DIS3L2: variants seen among roughly 807,000 people sequenced by gnomAD.
The protein encoded by DIS3L2 is DIS3-like exonuclease 2.
A neutral mutation model predicts 97.5 loss-of-function variants in DIS3L2; 34 were observed. The observed-to-expected ratio is 0.35, with a 90% CI of 0.27 to 0.46. The LOEUF is 0.46. Among genes scored for constraint, DIS3L2 ranks in the 20% least tolerant of loss-of-function variants. The probability of loss-of-function intolerance (pLI) is 1.00; values close to 1 mark genes in which losing one functional copy is unlikely to be tolerated. For missense variants in DIS3L2, 1,038 were observed against 1,146.0 expected (o/e 0.91, Z 1.36); for synonymous variants, 435 against 445.2 (o/e 0.98, Z 0.29).
intron 6 of DIS3L2, among the ~76,000 whole-genome samples, chr2:232,109,797 T>G (rs1251875753): frequency 1.3e-5 from 2 of 152,124 alleles, no homozygotes; most frequent in African/African-American, 4.8e-5. Flanking sequence ...ATTCAGGATA[T>G]AGGTACCAGC....
At chr2:232,193,849 G>A (rs1298407248) in intron 9 of DIS3L2, among the ~76,000 whole-genome samples, 2 of 152,052 alleles carry the variant, frequency 1.3e-5, no homozygotes, top group Admixed American at 6.6e-5. Flanking sequence ...TTCAATTCAC[G>A]GCGAGGCCCA....
At chr2:232,339,609 C>T, downstream of DIS3L2, 1 of 409,358 alleles carries the variant, frequency 2.4e-6, no homozygotes, top group Admixed American at 2.6e-5. Flanking sequence ...GGGACAAGAG[C>T]CTCTCCAGGC....
At chr2:232,315,479 C>T (rs1013232339) in intron 14 of DIS3L2, among the ~76,000 whole-genome samples, 7 of 152,108 alleles carry the variant, frequency 4.6e-5, no homozygotes, top group Non-Finnish European at 1.0e-4. Context: ...GTGCTTGGCT[C>T]TCTTAGCTTT....
Position 232,299,214 on chromosome 2 carries a change from C to G in DIS3L2, c.1660-826C>G, listed in dbSNP as rs76585807. ...ATTTCTCTCACTCTATCCCAGCCCC[C>G]CTGGCCGCTCCCCTGACTGTAGTGG... is the stretch of plus-strand genomic sequence containing the variant. On this transcript the variant is annotated intron_variant, in intron 13 of 20. Transcript: ENST00000325385. Among the ~76,000 whole-genome samples the G allele has an allele frequency of 1.4e-4, 21 of 152,352 alleles. No homozygotes were observed. In the East Asian group the frequency reaches 2.7e-3, roughly 20 times the overall value.
intron 1 of DIS3L2, among the ~76,000 whole-genome samples, chr2:232,002,678 A>T (rs914134255): frequency 3.3e-5 from 5 of 152,198 alleles, no homozygotes; most frequent in African/African-American, 1.2e-4. Flanking sequence ...TGGTTCCAAA[A>T]GTCAGAACAT....
chr2:232,141,046 T>C (rs1698496570), intron 8 of DIS3L2, among the ~76,000 whole-genome samples: 1 of 152,184 alleles, frequency 6.6e-6, no homozygotes, highest in Non-Finnish European at 1.5e-5. Context: ...AAAAGCCACA[T>C]TGGTTTCTTC....
downstream of DIS3L2, among the ~76,000 whole-genome samples, chr2:232,341,504 T>A (rs1696101098): frequency 6.6e-6 from 1 of 151,882 alleles, no homozygotes; most frequent in Admixed American, 6.6e-5. Context: ...TAGTCACAGT[T>A]TACGATCTGG....
intron 8 of DIS3L2, among the ~76,000 whole-genome samples, chr2:232,153,740 G>A (rs1268322263): frequency 8.7e-5 from 13 of 149,070 alleles, no homozygotes; most frequent in Non-Finnish European, 1.3e-4. Context: ...GAATCTGAAC[G>A]TTGGCTTGCC....
intron 10 of DIS3L2, among the ~76,000 whole-genome samples, chr2:232,226,231 T>C (rs1336227362): frequency 1.3e-5 from 2 of 152,228 alleles, no homozygotes; most frequent in Non-Finnish European, 2.9e-5. Context: ...CTGGTAACTG[T>C]AATAATGATT....
At chr2:232,287,887 A>G (rs1248300919) in intron 13 of DIS3L2, among the ~76,000 whole-genome samples, 1 of 152,258 alleles carries the variant, frequency 6.6e-6, no homozygotes, top group Non-Finnish European at 1.5e-5. Context: ...TATCTAAGAC[A>G]CAACTAATTA....
At chr2:232,334,040 A>G (rs535372356) in intron 17 of DIS3L2, 53 bp downstream of exon 17, 2 of 1,560,624 alleles carry the variant, frequency 1.3e-6, no homozygotes, top group East Asian at 2.2e-5. Context: ...AGGGCTGCCC[A>G]CCCCCACAGT....
chr2:232,266,597 G>A (rs1267372027), intron 13 of DIS3L2, among the ~76,000 whole-genome samples: 1 of 152,172 alleles, frequency 6.6e-6, no homozygotes, highest in Non-Finnish European at 1.5e-5. Context: ...ATCTCCCACA[G>A]CAAAGGACTC....
At chr2:231,996,009 G>A (rs1242144706) in intron 1 of DIS3L2, among the ~76,000 whole-genome samples, 1 of 152,170 alleles carries the variant, frequency 6.6e-6, no homozygotes, top group African/African-American at 2.4e-5. Flanking sequence ...AAGAAGCATG[G>A]GCATCTTTAG....
At chr2:232,302,214 A>G (rs537554647) in intron 14 of DIS3L2, among the ~76,000 whole-genome samples, 1 of 151,924 alleles carries the variant, frequency 6.6e-6, no homozygotes, top group Non-Finnish European at 1.5e-5. Context: ...AGGAAGGGGA[A>G]CATCATACAC....
At chr2:232,286,793 T>TTA in intron 13 of DIS3L2, among the ~76,000 whole-genome samples, 1 of 152,140 alleles carries the variant, frequency 6.6e-6, no homozygotes, top group Non-Finnish European at 1.5e-5. Flanking sequence ...TATTGGGGTT[T>TTA]TATTTTTGAG....
chr2:231,989,615 C>A (rs930812168), intron 1 of DIS3L2, among the ~76,000 whole-genome samples: 1 of 152,078 alleles, frequency 6.6e-6, no homozygotes, highest in Non-Finnish European at 1.5e-5. Context: ...GGCCGGATCG[C>A]TTGAGCCCAG....
At chr2:232,117,178 C>G (rs576378068) in intron 6 of DIS3L2, among the ~76,000 whole-genome samples, 1 of 152,294 alleles carries the variant, frequency 6.6e-6, no homozygotes, top group East Asian at 1.9e-4. Flanking sequence ...TCTGGGCCGA[C>G]CCTGGTGTAG....
At chr2:232,015,740 C>T (rs771637049) in intron 3 of DIS3L2, 69 bp downstream of exon 3, 61 of 1,562,534 alleles carry the variant, frequency 3.9e-5, no homozygotes, top group Non-Finnish European at 5.3e-5. Context: ...TAAACTGTTT[C>T]CTGTTCTGTG....
At chr2:232,049,972 G>C (rs1224775063) in intron 5 of DIS3L2, among the ~76,000 whole-genome samples, 2 of 152,086 alleles carry the variant, frequency 1.3e-5, no homozygotes, top group Non-Finnish European at 2.9e-5. Flanking sequence ...TTTGCTTGTA[G>C]CCAGACTTTT....
Sources: gnomAD v4.1 joint callset for allele counts (sites outside exome capture counted in the v4.1 genomes callset) on GRCh38, gnomAD v4.1.1 for gene constraint, MANE v1.5 for transcripts, NCBI Gene and HGNC (gene_info 2026-07-23, HGNC 2026-07-21) for gene names.